Variants in HBG2 observed in about 807,000 individuals in gnomAD.
HBG2 encodes hemoglobin subunit gamma-2.
For synonymous variants in HBG2, 25 were observed against 63.2 expected (o/e 0.40, Z 2.87); for missense variants, 59 against 155.7 (o/e 0.38, Z 3.31).
intron 2 of HBG2, 134 bp downstream of exon 2, chr11:5,254,158 T>C: frequency 9.3e-7 from 1 of 1,074,314 alleles, no homozygotes; most frequent in South Asian, 1.4e-5. Flanking sequence ...GCCCAGTTAG[T>C]CCTCTGCAGT....
chr11:5,253,693 C>CAT (rs1564886119), intron 2 of HBG2, among the ~76,000 whole-genome samples: 1 of 135,332 alleles, frequency 7.4e-6, no homozygotes, highest in Non-Finnish European at 1.6e-5. Flanking sequence ...CACAAACACA[C>CAT]GCGCGCACAC....
chr11:5,254,403 C>T lies in HBG2; in HGVS notation c.204G>A (p.Val68=). 1 of 1,614,304 alleles carries T rather than the reference C, an allele frequency of 6.2e-7. No individual in the cohort carries two copies. Among genetic ancestry groups the T allele is most frequent in the East Asian group, 2.2e-5 (1 of 44,894 alleles). Residue 68 remains valine, a synonymous_variant, in exon 2 of 3, where the codon GTG becomes GTA. Transcript: ENST00000336906. ...NPKVKAHGKK[V]LTSLGDAIKH... is the part of the protein sequence containing the mutation. Reference sequence around the variant, plus strand: ...TTATGGCATCTCCCAAGGAAGTCAGCACCTTCTTGCCATGTGCCTTGACTT... The same window carrying T: ...TTATGGCATCTCCCAAGGAAGTCAGTACCTTCTTGCCATGTGCCTTGACTT...
At position 5,253,456 on chromosome 11, in the gene HBG2, C is replaced by T. The variant is rs767020667; in HGVS notation, c.316-51G>A. The T allele has an allele frequency of 3.9e-6, 6 of 1,522,750 alleles. No individual in the cohort carries two copies. In the South Asian group the frequency reaches 5.7e-5, roughly 14 times the overall value. 94.3% of individuals were successfully genotyped at this position (1,522,750 alleles called of 1,614,324 possible). ...AGATGAACCCATAGTGAGCTGAGAG[C>T]TCCAGCCTGGCCTCCAGATAACTAC... On this transcript the variant is annotated intron_variant, in intron 2 of 2. Transcript: ENST00000336906.
At chr11:5,253,439 C>A (rs1447490085) in intron 2 of HBG2, 34 bp from the exon 3 acceptor site, 2 of 1,593,040 alleles carry the variant, frequency 1.3e-6, no homozygotes, top group Non-Finnish European at 1.7e-6. Flanking sequence ...AAAGATGAAC[C>A]CATAGTGAGC....
chr11:5,253,201 A>G lies in HBG2; in HGVS notation c.*76T>C. On this transcript the variant is annotated 3_prime_UTR_variant, in exon 3 of 3. Coordinates refer to ENST00000336906, the MANE Select transcript of HBG2 (RefSeq NM_000184.3). Reference sequence around the variant, plus strand: ...TGAAGACAACCATGTGTGATCTCTTAGCAGAATAGATTTATTATTTGATTG... The same window carrying G: ...TGAAGACAACCATGTGTGATCTCTTGGCAGAATAGATTTATTATTTGATTG... 6.3e-7 allele frequency: 1 copy of G among 1,595,894 alleles called. No individual in the cohort carries two copies. The highest frequency in any genetic ancestry group is 8.6e-7 in the Non-Finnish European group (1 of 1,165,842).
intron 2 of HBG2, 85 bp downstream of exon 2, chr11:5,254,203 TCACA>T (rs1292642913): frequency 6.4e-7 from 1 of 1,562,602 alleles, no homozygotes; most frequent in Admixed American, 1.7e-5. Context: ...TTCAAACAGC[TCACA>T]CCCTGCTGTG....
chr11:5,254,209 C>T (rs113824729), intron 2 of HBG2, 83 bp downstream of exon 2: 2 of 1,581,550 alleles, frequency 1.3e-6, no homozygotes, highest in East Asian at 2.2e-5. Flanking sequence ...CAGCTCACAC[C>T]CTGCTGTGCT....
At chr11:5,253,464 T>C in intron 2 of HBG2, 59 bp from the exon 3 acceptor site, 1 of 1,424,874 alleles carries the variant, frequency 7.0e-7, no homozygotes, top group South Asian at 1.2e-5. Context: ...AGCTCCAGCC[T>C]GGCCTCCAGA....
At chr11:5,254,182 A>G in intron 2 of HBG2, 110 bp downstream of exon 2, 2 of 1,306,994 alleles carry the variant, frequency 1.5e-6, no homozygotes, top group Non-Finnish European at 2.2e-6. Context: ...TTCACTCCCA[A>G]CCCCAGTATC....
In HBG2 at chr11:5,254,399, T is replaced by C; in HGVS notation, c.208A>G (p.Thr70Ala). ...KVKAHGKKVL[T>A]SLGDAIKHLD... is the part of the protein sequence containing the mutation. ...TGCTTTATGGCATCTCCCAAGGAAG[T>C]CAGCACCTTCTTGCCATGTGCCTTG... is the stretch of plus-strand genomic sequence containing the variant. The change falls in exon 2 of 3, where the codon ACT becomes GCT. Residue 70 changes from threonine to alanine, a missense_variant. Physicochemically the swap from Thr to Ala is moderately conservative, Grantham distance 58 (BLOSUM62 0). Transcript: ENST00000336906. 6.2e-7 allele frequency: 1 copy of C among 1,614,298 alleles called. No individual in the cohort carries two copies. Among genetic ancestry groups the C allele is most frequent in the Non-Finnish European group, 8.5e-7 (1 of 1,180,056 alleles).
rs752905359 is a variant in HBG2 at position 5,253,245 on chromosome 11, T to C, written c.*32A>G. 4.3e-6 allele frequency: 7 copies of C among 1,613,688 alleles called. No individual in the cohort carries two copies. Among genetic ancestry groups the C allele is most frequent in the Non-Finnish European group, 5.9e-6 (7 of 1,179,632 alleles). On this transcript the variant is annotated 3_prime_UTR_variant, in exon 3 of 3. Transcript: ENST00000336906. ...TTGATTGCTTGCAGAATAAAGCCTA[T>C]CCTTGAAAGCTCTGCATCATGGGCA...
intron 2 of HBG2, among the ~76,000 whole-genome samples, chr11:5,253,693 C>CGTGT (rs151297183): frequency 3.7e-5 from 5 of 135,436 alleles, no homozygotes; most frequent in South Asian, 4.5e-4. Context: ...CACAAACACA[C>CGTGT]GCGCGCACAC....
chr11:5,253,367 A>T lies in HBG2; in HGVS notation c.354T>A (p.His118Gln). ...CCTCAGGGGTGAATTCTTTGCCGAA[A>T]TGGATTGCCAAAACGGTCACCAGCA... ...GNVLVTVLAI[H>Q]FGKEFTPEVQ... Residue 118 changes from histidine to glutamine, a missense_variant, in exon 3 of 3, where the codon CAT (histidine) becomes CAA (glutamine). Coordinates refer to ENST00000336906, the MANE Select transcript of HBG2 (RefSeq NM_000184.3). The T allele has an allele frequency of 6.2e-7, 1 of 1,613,652 alleles. No individual in the cohort carries two copies. The highest frequency in any genetic ancestry group is 8.5e-7 in the Non-Finnish European group (1 of 1,179,672).
Position 5,253,280 on chromosome 11 carries a change from G to C in HBG2, c.441C>G (p.His147Gln). Residue 147 changes from histidine (H) to glutamine (Q), a missense_variant, in exon 3 of 3, where the codon CAC becomes CAG. Coordinates refer to ENST00000336906, the MANE Select transcript of HBG2 (RefSeq NM_000184.3). ...CTCTGCATCATGGGCAGTGAGCTCA[G>C]TGGTATCTGGAGGACAGGGCACTGG... ...GVASALSSRY[H>Q] The C allele has an allele frequency of 6.2e-7, 1 of 1,614,090 alleles. No individual in the cohort carries two copies. The highest frequency in any genetic ancestry group is 8.5e-7 in the Non-Finnish European group (1 of 1,179,982).
chr11:5,253,692 A>ATGTG (rs1847979490), intron 2 of HBG2, among the ~76,000 whole-genome samples: 2 of 87,270 alleles, frequency 2.3e-5, no homozygotes, highest in Non-Finnish European at 4.8e-5. Flanking sequence ...ACACAAACAC[A>ATGTG]CGCGCGCACA....
At chr11:5,253,683 C>T (rs1156265511) in intron 2 of HBG2, among the ~76,000 whole-genome samples, 1 of 137,582 alleles carries the variant, frequency 7.3e-6, no homozygotes, top group African/African-American at 2.8e-5. Flanking sequence ...CTCACACACA[C>T]ACAAACACAC....
intron 2 of HBG2, among the ~76,000 whole-genome samples, chr11:5,254,055 C>T (rs1371634268): frequency 2.0e-5 from 3 of 151,772 alleles, no homozygotes; most frequent in Admixed American, 1.3e-4. Flanking sequence ...AGTCATTTTC[C>T]TCATTTCCAC....
At chr11:5,253,702 A>ACACGCGCGCGCG (rs1564886145) in intron 2 of HBG2, among the ~76,000 whole-genome samples, 1 of 133,922 alleles carries the variant, frequency 7.5e-6, no homozygotes, top group Non-Finnish European at 1.5e-5. Context: ...ACGCGCGCAC[A>ACACGCGCGCGCG]CACACACACA....
intron 2 of HBG2, 35 bp from the exon 3 acceptor site, chr11:5,253,440 C>T (rs1189963862): frequency 2.5e-6 from 4 of 1,593,258 alleles, no homozygotes; most frequent in Admixed American, 1.7e-5. Flanking sequence ...AAGATGAACC[C>T]ATAGTGAGCT....
Sources: allele counts gnomAD v4.1 joint callset (sites outside exome capture counted in the v4.1 genomes callset), GRCh38; gene constraint gnomAD v4.1.1; transcripts MANE v1.5; gene names NCBI Gene and HGNC (gene_info 2026-07-23, HGNC 2026-07-21).